The following NOTCH1 variants were observed in gnomAD, a reference collection of about 807,000 sequenced individuals.
NOTCH1 encodes neurogenic locus notch homolog protein 1.
A neutral mutation model predicts 254.8 loss-of-function variants in NOTCH1; 37 were observed. That is an observed-to-expected ratio of 0.15 (90% CI 0.11 to 0.19). The LOEUF is 0.19. Ranked by LOEUF, NOTCH1 falls within the 10% of genes least tolerant of loss-of-function variation. The pLI, the probability that NOTCH1 is intolerant of heterozygous loss-of-function variation, is 1.00. For synonymous variants in NOTCH1, 1,731 were observed against 1,618.1 expected, an observed-to-expected ratio of 1.07 and a Z score of -1.68; for missense variants, 2,972 against 3,708.6, an observed-to-expected ratio of 0.80 and a Z score of 5.16.
At chr9:136,525,816 G>A (rs986570851) in intron 2 of NOTCH1, among the ~76,000 whole-genome samples, 10 of 152,196 alleles carry the variant, frequency 6.6e-5, no homozygotes, top group African/African-American at 2.4e-4. Context: ...AGCCAGCCAC[G>A]CCCCTGTCCC....
At position 136,506,853 on chromosome 9, in the gene NOTCH1, C is replaced by G. The variant is rs2133343772; in HGVS notation, c.3764G>C (p.Cys1255Ser). The G allele has an allele frequency of 6.2e-7, 1 of 1,611,996 alleles. No individual in the cohort carries two copies. The highest frequency in any genetic ancestry group is 8.5e-7 in the Non-Finnish European group (1 of 1,179,564). Residue 1255 changes from cysteine to serine, a missense_variant, in exon 23 of 34, where the codon TGC becomes TCC. By Grantham distance (112) the Cys-to-Ser change is moderately radical. Transcript: ENST00000651671. The surrounding 1 kb of genome is among the most constrained non-coding windows in gnomAD (Gnocchi z 4.5). Reference sequence around the variant, plus strand: ...GCGCTCACCCACGAAGCCCGGCGGGCAGGTGCAGCTGTAGCCGCCCACCTG... The same window carrying G: ...GCGCTCACCCACGAAGCCCGGCGGGGAGGTGCAGCTGTAGCCGCCCACCTG... ...VDQVGGYSCTCPPGFVGERCE... is the reference protein window; with the variant it reads ...VDQVGGYSCTSPPGFVGERCE...
chr9:136,510,108 G>A, intron 17 of NOTCH1, 147 bp from the exon 18 acceptor site: 2 of 753,936 alleles, frequency 2.7e-6, no homozygotes, highest in Admixed American at 2.1e-5. Context: ...GTGTCTGGTG[G>A]GGAGCCCCAG....
chr9:136,509,944 C>T lies in NOTCH1; in HGVS notation c.2758G>A (p.Gly920Ser), dbSNP rs1423374245. 1 of 1,613,194 alleles carries T rather than the reference C, an allele frequency of 6.2e-7. No homozygotes were observed. Residue 920 changes from glycine to serine, a missense_variant, in exon 18 of 34, where the codon GGC becomes AGC. By Grantham distance (56) the Gly-to-Ser change is moderately conservative (BLOSUM62 0). This residue lies in a region of NOTCH1 where 1,343 missense variants were observed against 1,557.0 expected (regional missense o/e 0.86). Transcript: ENST00000651671. ...GTGTTGATGCCGTCTGTGCAGGAGC[C>T]CCCGTTGTGACACGGGTCTGGGAGA... ...DCRPNPCHNG[G>S]SCTDGINTAF...
chr9:136,541,841 G>A (rs912795371), intron 2 of NOTCH1, among the ~76,000 whole-genome samples: 6 of 152,214 alleles, frequency 3.9e-5, no homozygotes, highest in African/African-American at 1.2e-4. Context: ...ACGCGCTTCC[G>A]TCCCATCTTC....
At chr9:136,517,125 C>T (rs192057446) in intron 9 of NOTCH1, 147 bp downstream of exon 9, 8 of 592,062 alleles carry the variant, frequency 1.4e-5, no homozygotes, top group African/African-American at 4.4e-5. Flanking sequence ...GCGGACGGCC[C>T]GAGGGCAGGG....
intron 2 of NOTCH1, among the ~76,000 whole-genome samples, chr9:136,528,291 T>C (rs1426399345): frequency 7.4e-6 from 1 of 135,020 alleles, no homozygotes; most frequent in Non-Finnish European, 1.6e-5. Context: ...TGTGGCTGGC[T>C]CTGCACCCGC....
intron 15 of NOTCH1, among the ~76,000 whole-genome samples, 189 bp downstream of exon 15, chr9:136,512,828 CAGTG>C (rs1022803225): frequency 1.8e-4 from 28 of 152,146 alleles, no homozygotes; most frequent in Non-Finnish European, 8.8e-5. Context: ...CTAAGGCACT[CAGTG>C]AGGCGCAGAA....
chr9:136,524,185 C>A (rs1843422782), intron 2 of NOTCH1, among the ~76,000 whole-genome samples: 1 of 152,214 alleles, frequency 6.6e-6, no homozygotes, highest in Non-Finnish European at 1.5e-5. Context: ...TGGGAATGTA[C>A]TGAATGCCAC....
chr9:136,502,501 G>A lies in NOTCH1; in HGVS notation c.5168-13C>T, dbSNP rs780454511. The A allele has an allele frequency of 6.7e-6, 10 of 1,497,364 alleles. No individual in the cohort carries two copies. The highest frequency in any genetic ancestry group is 2.5e-5 in the East Asian group (1 of 40,162). 92.8% of individuals were successfully genotyped at this position (1,497,364 alleles called of 1,614,324 possible). A position where few individuals can be genotyped will look rare whatever the true frequency, so the allele number is the denominator to read the frequency against. ...TCCACGGTCTCACCTGCGGGCACGG[G>A]GGCCAGGGGCAGGTGCCCGGACATC... On this transcript the variant is annotated splice_polypyrimidine_tract_variant and intron_variant, in intron 27 of 33. Transcript: ENST00000651671.
Position 136,514,616 on chromosome 9 carries a change from T to C in NOTCH1, c.2101A>G (p.Thr701Ala). ...GTCEDGINGFTCRCPEGYHDP... is the reference protein window; with the variant it reads ...GTCEDGINGFACRCPEGYHDP... Reference sequence around the variant, plus strand: ...TGGTAGCCCTCGGGGCAGCGGCAGGTGAAGCCATTGATGCCGTCCTCGCAG... The same window carrying C: ...TGGTAGCCCTCGGGGCAGCGGCAGGCGAAGCCATTGATGCCGTCCTCGCAG... The change falls in exon 13 of 34, where the codon ACC (threonine) becomes GCC (alanine). Residue 701 changes from threonine (T) to alanine (A), a missense_variant. Physicochemically the swap from Thr to Ala is moderately conservative, Grantham distance 58. Around this residue, in one of 8 missense-constraint regions of NOTCH1, gnomAD observed 1,343 missense variants for 1,557.0 expected, o/e 0.86. Transcript: ENST00000651671. 1 of 1,594,242 alleles carries C rather than the reference T, an allele frequency of 6.3e-7. No homozygotes were observed. The highest frequency in any genetic ancestry group is 1.1e-5 in the South Asian group (1 of 89,208).
chr9:136,521,960 T>C (rs1843372463), intron 4 of NOTCH1, among the ~76,000 whole-genome samples: 1 of 151,992 alleles, frequency 6.6e-6, no homozygotes, highest in African/African-American at 2.4e-5. Flanking sequence ...GATTGGAGGT[T>C]TTCTTTTTTC....
At chr9:136,518,448 C>A in intron 6 of NOTCH1, 143 bp downstream of exon 6, 1 of 1,130,936 alleles carries the variant, frequency 8.8e-7, no homozygotes, top group South Asian at 1.3e-5. Flanking sequence ...GGGGGACTCA[C>A]AGCGACCACC....
At chr9:136,528,918 C>A (rs1026883039) in intron 2 of NOTCH1, among the ~76,000 whole-genome samples, 2 of 152,168 alleles carry the variant, frequency 1.3e-5, no homozygotes, top group African/African-American at 4.8e-5. Context: ...AATCGCTAGG[C>A]GGCCAGCCTG....
At chr9:136,519,624 G>C in intron 4 of NOTCH1, 59 bp from the exon 5 acceptor site, 6 of 1,610,820 alleles carry the variant, frequency 3.7e-6, no homozygotes, top group African/African-American at 1.3e-5. Context: ...CTCCTGCCTG[G>C]ACCCCCGACA....
chr9:136,530,954 C>T (rs977078595), intron 2 of NOTCH1, among the ~76,000 whole-genome samples: 3 of 152,252 alleles, frequency 2.0e-5, no homozygotes, highest in African/African-American at 7.2e-5. Flanking sequence ...CTTCTGGCAA[C>T]CTCCCACCAC....
chr9:136,531,890 C>G (rs1023141129), intron 2 of NOTCH1, among the ~76,000 whole-genome samples: 2 of 152,252 alleles, frequency 1.3e-5, no homozygotes, highest in African/African-American at 4.8e-5. Flanking sequence ...CCGCCGGCTC[C>G]CTGCTCTCTG....
At chr9:136,512,038 C>T (rs771125010) in intron 15 of NOTCH1, among the ~76,000 whole-genome samples, 2 of 152,232 alleles carry the variant, frequency 1.3e-5, no homozygotes, top group African/African-American at 4.8e-5. Flanking sequence ...TTGGTTTCCA[C>T]GGTGACCCGG....
At chr9:136,542,739 A>C (rs1275698877) in intron 2 of NOTCH1, 2 of 151,924 alleles carry the variant, frequency 1.3e-5, no homozygotes, top group Non-Finnish European at 2.9e-5. Flanking sequence ...TGGGGTTGTC[A>C]AGGGAATGGG....
Position 136,544,156 on chromosome 9 carries a change from A to C in NOTCH1, c.62-54T>G, listed in dbSNP as rs146696955. 1.3e-4 allele frequency: 189 copies of C among 1,502,346 alleles called. No homozygotes were observed. The African/African-American group carries it at 2.4e-3, about 19-fold the overall frequency. 93.1% of individuals were successfully genotyped at this position (1,502,346 alleles called of 1,614,324 possible). On this transcript the variant is annotated intron_variant, in intron 1 of 33. Coordinates refer to ENST00000651671, the MANE Select transcript of NOTCH1 (RefSeq NM_017617.5). Reference sequence around the variant, plus strand: ...GTCTCACCCGCACCACCACCACCGAAGGCCCTGGTTACCCTGGGGGCGGGG... The same window carrying C: ...GTCTCACCCGCACCACCACCACCGACGGCCCTGGTTACCCTGGGGGCGGGG...
Sources: gnomAD v4.1 joint callset for allele counts (sites outside exome capture counted in the v4.1 genomes callset) on GRCh38, gnomAD v4.1.1 for gene constraint, gnomAD v4.1.1 regional missense constraint, Gnocchi (gnomAD v3.1) non-coding constraint, MANE v1.5 for transcripts, NCBI Gene and HGNC (gene_info 2026-07-23, HGNC 2026-07-21) for gene names.